CCSER1: variants seen among roughly 807,000 people sequenced by gnomAD.
The protein encoded by CCSER1 is coiled-coil serine rich protein 1.
CCSER1 carries 41 observed loss-of-function variants against 82.0 expected under a neutral mutation model. That is an observed-to-expected ratio of 0.50 (90% CI 0.39 to 0.65). The LOEUF is 0.65. Ranked by LOEUF, CCSER1 falls within the 30% of genes least tolerant of loss-of-function variation. CCSER1 has a pLI of 0.00. For missense variants in CCSER1, 1,119 were observed against 1,064.2 expected, an observed-to-expected ratio of 1.05 and a Z score of -0.72; for synonymous variants, 414 against 383.9, an observed-to-expected ratio of 1.08 and a Z score of -0.92.
chr4:91,464,909 G>A (rs1756775497), intron 10 of CCSER1, among the ~76,000 whole-genome samples: 1 of 152,168 alleles, frequency 6.6e-6, no homozygotes, highest in Non-Finnish European at 1.5e-5. Flanking sequence ...AGTAATGGGA[G>A]ACTTTAACAT....
At chr4:90,467,549 G>A (rs1314470777) in intron 4 of CCSER1, among the ~76,000 whole-genome samples, 1 of 150,920 alleles carries the variant, frequency 6.6e-6, no homozygotes, top group Non-Finnish European at 1.5e-5. Context: ...CTGACACGGT[G>A]GCGGGCGCCT....
At chr4:90,407,696 TC>T (rs1301819975) in intron 4 of CCSER1, among the ~76,000 whole-genome samples, 1 of 152,114 alleles carries the variant, frequency 6.6e-6, no homozygotes, top group African/African-American at 2.4e-5. Flanking sequence ...AGTCTACAGC[TC>T]CCAGCGTGAG....
chr4:91,218,328 C>T (rs928773262), intron 10 of CCSER1, among the ~76,000 whole-genome samples: 1 of 152,226 alleles, frequency 6.6e-6, no homozygotes, highest in African/African-American at 2.4e-5. Flanking sequence ...CGCACGCAGC[C>T]CCGGTTCCTG....
chr4:90,339,990 A>C (rs1449328079), intron 3 of CCSER1, among the ~76,000 whole-genome samples: 1 of 152,064 alleles, frequency 6.6e-6, no homozygotes. Flanking sequence ...AGCAAATAGA[A>C]GAAAGAAAAA....
At chr4:90,195,852 G>A (rs963207) in intron 1 of CCSER1, among the ~76,000 whole-genome samples, 99,322 of 151,974 alleles carry the variant, frequency 0.65, 34,964 homozygotes, top group African/African-American at 0.91. Context: ...ACAGTGGATA[G>A]GAGCAAACTG....
intron 1 of CCSER1, among the ~76,000 whole-genome samples, chr4:90,162,340 A>C (rs568070239): frequency 6.6e-6 from 1 of 152,198 alleles, no homozygotes; most frequent in South Asian, 2.1e-4. Context: ...ATCAATATTT[A>C]ATAATTATGA....
intron 9 of CCSER1, among the ~76,000 whole-genome samples, chr4:91,043,448 G>A (rs755744938): frequency 5.9e-5 from 9 of 151,954 alleles, no homozygotes; most frequent in Admixed American, 5.2e-4. Context: ...AGATTGATAG[G>A]CCCAACCAAA....
chr4:91,138,980 C>G (rs959305904), intron 10 of CCSER1, among the ~76,000 whole-genome samples: 1 of 152,122 alleles, frequency 6.6e-6, no homozygotes, highest in African/African-American at 2.4e-5. Flanking sequence ...ATCTGTCACC[C>G]AGGTGGTGAG....
chr4:91,125,222 A>G lies in CCSER1; in HGVS notation c.2217+39228A>G, dbSNP rs567608888. ...ACTACTTGTATACAATTAGCATGAC[A>G]CATGTTGTGTGATAATGTATATATG... On this transcript the variant is annotated intron_variant, in intron 10 of 10. Coordinates refer to ENST00000509176, the MANE Select transcript of CCSER1 (RefSeq NM_001145065.2). 1.3e-4 allele frequency among the ~76,000 whole-genome samples: 19 copies of G among 151,852 alleles called. 1 individual carries two copies. In the South Asian group the frequency reaches 3.9e-3, roughly 31 times the overall value.
chr4:90,880,025 T>A (rs1721060135), intron 8 of CCSER1, among the ~76,000 whole-genome samples: 1 of 152,196 alleles, frequency 6.6e-6, no homozygotes, highest in Non-Finnish European at 1.5e-5. Flanking sequence ...CTTTGGGGTG[T>A]GATCCAGTAG....
chr4:90,486,628 G>T (rs1767098331), intron 5 of CCSER1, among the ~76,000 whole-genome samples: 1 of 152,108 alleles, frequency 6.6e-6, no homozygotes, highest in South Asian at 2.1e-4. Flanking sequence ...TCTTCAGGTG[G>T]GTATCTGAGT....
chr4:90,274,195 G>A (rs1043270174), intron 1 of CCSER1, among the ~76,000 whole-genome samples: 5 of 152,132 alleles, frequency 3.3e-5, no homozygotes, highest in African/African-American at 7.2e-5. Flanking sequence ...TTGTCTTGGG[G>A]TAGAGCTTTA....
At chr4:90,415,776 A>T (rs1362370228) in intron 4 of CCSER1, among the ~76,000 whole-genome samples, 1 of 152,234 alleles carries the variant, frequency 6.6e-6, no homozygotes, top group Non-Finnish European at 1.5e-5. Context: ...GTAGTGGCAG[A>T]AGCTGATGGG....
At chr4:90,146,740 T>C (rs535082446) in intron 1 of CCSER1, among the ~76,000 whole-genome samples, 54 of 152,240 alleles carry the variant, frequency 3.5e-4, no homozygotes, top group Admixed American at 1.4e-3. Context: ...AACAGCACTT[T>C]TGAAAATTTT....
chr4:91,254,327 T>A (rs1424154166), intron 10 of CCSER1, among the ~76,000 whole-genome samples: 1 of 152,158 alleles, frequency 6.6e-6, no homozygotes, highest in Non-Finnish European at 1.5e-5. Context: ...ACAAATTAAG[T>A]CAAATTTTGG....
At chr4:91,539,668 G>C (rs752237672) in intron 10 of CCSER1, among the ~76,000 whole-genome samples, 13 of 152,090 alleles carry the variant, frequency 8.5e-5, no homozygotes, top group Non-Finnish European at 1.8e-4. Context: ...AGTGTCTGTA[G>C]TATGTTGCCT....
chr4:90,439,100 T>A (rs1759482768), intron 4 of CCSER1, among the ~76,000 whole-genome samples: 1 of 152,066 alleles, frequency 6.6e-6, no homozygotes, highest in African/African-American at 2.4e-5. Context: ...GAGACAGGCT[T>A]GACCAAGATG....
intron 4 of CCSER1, among the ~76,000 whole-genome samples, chr4:90,456,260 T>A (rs1578556116): frequency 6.6e-6 from 1 of 152,312 alleles, no homozygotes; most frequent in South Asian, 2.1e-4. Context: ...ACATCCTTCT[T>A]GCTTCTAAGA....
At chr4:90,929,978 G>A (rs1025028707) in intron 9 of CCSER1, among the ~76,000 whole-genome samples, 1 of 152,066 alleles carries the variant, frequency 6.6e-6, no homozygotes, top group African/African-American at 2.4e-5. Context: ...ATATCACATT[G>A]TATGCCATAA....
Sources: allele counts gnomAD v4.1 joint callset (sites outside exome capture counted in the v4.1 genomes callset), GRCh38; gene constraint gnomAD v4.1.1; transcripts MANE v1.5; gene names NCBI Gene and HGNC (gene_info 2026-07-23, HGNC 2026-07-21).